RARB: variants seen among roughly 807,000 people sequenced by gnomAD.
RARB encodes HBV-activated protein.
RARB carries 17 observed loss-of-function variants against 51.9 expected under a neutral mutation model. That is an observed-to-expected ratio of 0.33 (90% confidence interval 0.22 to 0.49). The LOEUF (loss-of-function observed/expected upper bound fraction) is 0.49. RARB is among the 20% of genes least tolerant of loss of function. The pLI is 0.99. For synonymous variants in RARB, 215 were observed against 195.4 expected (o/e 1.10, Z -0.84); for missense variants, 369 against 550.8 (o/e 0.67, Z 3.30).
At chr3:25,264,957 T>G (rs1703090437) in intron 5 of RARB, among the ~76,000 whole-genome samples, 1 of 152,158 alleles carries the variant, frequency 6.6e-6, no homozygotes, top group Non-Finnish European at 1.5e-5. Flanking sequence ...GGTGAGGCCT[T>G]TGGGAGGTAC....
chr3:25,510,577 G>A (rs1697840589), intron 3 of RARB, among the ~76,000 whole-genome samples: 1 of 151,884 alleles, frequency 6.6e-6, no homozygotes, highest in Non-Finnish European at 1.5e-5. Flanking sequence ...ATTGGGCCAA[G>A]ATCGAGCCAC....
rs536982616 is a variant in RARB at position 25,017,706 on chromosome 3, T to A, written c.-379-42419T>A. Among the ~76,000 whole-genome samples the A allele has an allele frequency of 5.9e-5, 9 of 152,328 alleles. No individual in the cohort carries two copies. The East Asian group carries it at 1.7e-3, about 29-fold the overall frequency. On this transcript the variant is annotated intron_variant, in intron 2 of 11. Transcript: ENST00000383772. ...CTAAAAGGAACTTTTAATGAGTACT[T>A]CTAAACTTAGTGCCTCTGAATCAAG...
chr3:25,236,787 C>T (rs1559517649), intron 5 of RARB, among the ~76,000 whole-genome samples: 1 of 151,838 alleles, frequency 6.6e-6, no homozygotes, highest in Non-Finnish European at 1.5e-5. Flanking sequence ...AATTTCTCCT[C>T]ATGCAATACA....
rs890963895 is a variant in RARB at position 25,015,521 on chromosome 3, A to G, written c.-379-44604A>G. Reference sequence around the variant, plus strand: ...AAGATTTTAGTTTCCTGACCCAGGCATAATGGGAAACTTCTTGATAGGACC... The same window carrying G: ...AAGATTTTAGTTTCCTGACCCAGGCGTAATGGGAAACTTCTTGATAGGACC... On this transcript the variant is annotated intron_variant, in intron 2 of 11. Transcript: ENST00000383772. 2.0e-5 allele frequency among the ~76,000 whole-genome samples: 3 copies of G among 152,192 alleles called. No individual in the cohort carries two copies. In the South Asian group the frequency reaches 6.2e-4, roughly 32 times the overall value.
intron 2 of RARB, among the ~76,000 whole-genome samples, chr3:24,884,816 T>C (rs1314944119): frequency 6.6e-6 from 1 of 152,130 alleles, no homozygotes; most frequent in Non-Finnish European, 1.5e-5. Context: ...AGAGGATCAC[T>C]GCAAAAATAG....
At chr3:25,035,582 A>G (rs544675802) in intron 2 of RARB, among the ~76,000 whole-genome samples, 1 of 152,156 alleles carries the variant, frequency 6.6e-6, no homozygotes, top group Non-Finnish European at 1.5e-5. Context: ...TTAGAACTTG[A>G]GAGCCCAAAC....
intron 2 of RARB, among the ~76,000 whole-genome samples, chr3:25,500,115 G>C (rs1697220798): frequency 6.6e-6 from 1 of 152,168 alleles, no homozygotes; most frequent in Admixed American, 6.5e-5. Context: ...TTGTATATGT[G>C]GTGTTTAATA....
intron 5 of RARB, among the ~76,000 whole-genome samples, chr3:25,371,636 G>A (rs972825184): frequency 1.2e-4 from 18 of 152,176 alleles, no homozygotes; most frequent in South Asian, 4.1e-4. Flanking sequence ...TTAAATAAAC[G>A]CTCGCCCTGG....
chr3:24,865,380 AT>A (rs35470797), intron 2 of RARB, among the ~76,000 whole-genome samples: 5 of 151,926 alleles, frequency 3.3e-5, no homozygotes, highest in Non-Finnish European at 7.4e-5. Context: ...GGTCAACTGT[AT>A]TTTTTTTATG....
intron 2 of RARB, among the ~76,000 whole-genome samples, chr3:25,486,516 T>TA (rs1226109880): frequency 1.3e-5 from 2 of 152,128 alleles, no homozygotes; most frequent in Non-Finnish European, 2.9e-5. Flanking sequence ...TGTGAGCAAA[T>TA]ACTTACTGAA....
At chr3:25,128,007 G>C (rs1699888982) in intron 3 of RARB, among the ~76,000 whole-genome samples, 1 of 152,098 alleles carries the variant, frequency 6.6e-6, no homozygotes, top group African/African-American at 2.4e-5. Context: ...AGGTTTCTAA[G>C]CTGGCTGTAG....
At chr3:25,008,771 T>A (rs375495347) in intron 2 of RARB, among the ~76,000 whole-genome samples, 4 of 152,222 alleles carry the variant, frequency 2.6e-5, no homozygotes, top group African/African-American at 7.2e-5. Flanking sequence ...GATTCACACA[T>A]GTATTACCAG....
At chr3:24,998,315 G>C (rs969884645) in intron 2 of RARB, among the ~76,000 whole-genome samples, 1 of 150,866 alleles carries the variant, frequency 6.6e-6, no homozygotes, top group African/African-American at 2.4e-5. Flanking sequence ...GCACCCTGGG[G>C]CCCTAGGAAT....
intron 5 of RARB, among the ~76,000 whole-genome samples, chr3:25,334,464 G>A (rs1411760443): frequency 6.6e-6 from 1 of 152,088 alleles, no homozygotes; most frequent in African/African-American, 2.4e-5. Context: ...TCACTCATAG[G>A]TGGGAATTGA....
At position 25,428,430 on chromosome 3, in the gene RARB, C is replaced by T; in HGVS notation, c.-302C>T. On this transcript the variant is annotated 5_prime_UTR_variant, in exon 1 of 8. Transcript: ENST00000330688. ...CACCGTCGGGGTAGGATCCGGAACGCATTCGGAAGGCTTTTTGCAAGCATT... is the reference window on the plus strand; with the variant it reads ...CACCGTCGGGGTAGGATCCGGAACGTATTCGGAAGGCTTTTTGCAAGCATT... The T allele has an allele frequency of 1.6e-6, 2 of 1,271,314 alleles. No individual in the cohort carries two copies. The highest frequency in any genetic ancestry group is 2.0e-6 in the Non-Finnish European group (2 of 1,010,556). 78.8% of individuals were successfully genotyped at this position (1,271,314 alleles called of 1,614,324 possible). A position where few individuals can be genotyped will look rare whatever the true frequency, so the allele number is the denominator to read the frequency against.
intron 5 of RARB, among the ~76,000 whole-genome samples, chr3:25,234,415 A>C (rs2125392220): frequency 6.6e-6 from 1 of 152,222 alleles, no homozygotes; most frequent in Admixed American, 6.5e-5. Context: ...TCTGTTTGTC[A>C]GTCTGGCTAG....
At chr3:24,907,233 C>T (rs1694887151) in intron 2 of RARB, among the ~76,000 whole-genome samples, 1 of 152,150 alleles carries the variant, frequency 6.6e-6, no homozygotes, top group Admixed American at 6.5e-5. Context: ...GCATCAGAAT[C>T]ACTTAGAGAA....
At chr3:25,139,714 T>C (rs369002011) in intron 4 of RARB, among the ~76,000 whole-genome samples, 3 of 152,176 alleles carry the variant, frequency 2.0e-5, no homozygotes, top group African/African-American at 7.2e-5. Context: ...ATTTTCTATG[T>C]AGAGGAAACA....
At chr3:25,396,899 C>T (rs1216452322) in intron 5 of RARB, among the ~76,000 whole-genome samples, 1 of 152,104 alleles carries the variant, frequency 6.6e-6, no homozygotes, top group Non-Finnish European at 1.5e-5. Context: ...CCAACAGCAC[C>T]CAGTGTATAT....
Sources: allele counts gnomAD v4.1 joint callset (sites outside exome capture counted in the v4.1 genomes callset), GRCh38; gene constraint gnomAD v4.1.1; transcripts MANE v1.5; gene names NCBI Gene and HGNC (gene_info 2026-07-23, HGNC 2026-07-21).